Variants in VGLL4 observed in about 807,000 individuals in gnomAD.
VGLL4 encodes the protein transcription cofactor vestigial-like protein 4.
VGLL4 carries 7 observed loss-of-function variants against 21.0 expected under a neutral mutation model. The observed-to-expected ratio is 0.33, with a 90% CI of 0.19 to 0.63. The LOEUF (loss-of-function observed/expected upper bound fraction) is 0.63. Ranked by LOEUF, VGLL4 falls within the 20% of genes least tolerant of loss-of-function variation. The probability of loss-of-function intolerance (pLI) is 0.78; values close to 1 mark genes in which losing one functional copy is unlikely to be tolerated. For synonymous variants in VGLL4, 222 were observed against 173.2 expected, an observed-to-expected ratio of 1.28 and a Z score of -2.21; for missense variants, 394 against 425.7, an observed-to-expected ratio of 0.93 and a Z score of 0.66.
chr3:11,721,527 T>C (rs11128570), upstream of VGLL4, among the ~76,000 whole-genome samples: 74,447 of 152,022 alleles, frequency 0.49, 19,985 homozygotes, highest in Non-Finnish European at 0.6. Context: ...AGATTAAAGC[T>C]CGGAAGGTTC....
chr3:11,579,217 TAAAAA>T (rs34908529), intron 2 of VGLL4, among the ~76,000 whole-genome samples: 1 of 134,634 alleles, frequency 7.4e-6, no homozygotes, highest in Non-Finnish European at 1.6e-5. Context: ...GCTAACTTTC[TAAAAA>T]AAAAAAAAAA....
chr3:11,635,768 A>G (rs1367596768), intron 1 of VGLL4, among the ~76,000 whole-genome samples: 1 of 152,264 alleles, frequency 6.6e-6, no homozygotes, highest in Non-Finnish European at 1.5e-5. Context: ...GAGCTGTGCT[A>G]GAAAACTGCA....
intron 1 of VGLL4, among the ~76,000 whole-genome samples, chr3:11,615,729 G>A (rs1299902629): frequency 6.6e-6 from 1 of 152,128 alleles, no homozygotes; most frequent in Admixed American, 6.5e-5. Context: ...TGAGAGTGCA[G>A]AGCTAAGCTG....
intron 1 of VGLL4, among the ~76,000 whole-genome samples, chr3:11,618,313 C>A (rs1365097542): frequency 6.6e-6 from 1 of 152,000 alleles, no homozygotes; most frequent in Non-Finnish European, 1.5e-5. Context: ...GCTATTATTA[C>A]AAGATGTCTG....
At chr3:11,720,677 C>G (rs923349979) in exon 1 of VGLL4, 4 of 152,262 alleles carry the variant, frequency 2.6e-5, no homozygotes, top group African/African-American at 7.2e-5. Flanking sequence ...CCCCTTCAGC[C>G]GCTCACACAC....
intron 2 of VGLL4, among the ~76,000 whole-genome samples, chr3:11,654,547 T>A (rs528955940): frequency 6.6e-6 from 1 of 152,306 alleles, no homozygotes; most frequent in East Asian, 1.9e-4. Context: ...AATTTTACCT[T>A]ATTAGCTTTG....
At chr3:11,558,941 G>A (rs1345264214) in intron 4 of VGLL4, 114 bp from the exon 5 acceptor site, 7 of 1,305,798 alleles carry the variant, frequency 5.4e-6, no homozygotes, top group South Asian at 2.8e-5. Context: ...CACGGTCAGC[G>A]TGGGCTCTGC....
At chr3:11,585,318 C>T (rs2074336585) in intron 2 of VGLL4, among the ~76,000 whole-genome samples, 1 of 151,834 alleles carries the variant, frequency 6.6e-6, no homozygotes, top group Non-Finnish European at 1.5e-5. Flanking sequence ...TGCCTGTAGT[C>T]CCAGCTACTT....
At chr3:11,636,048 A>T (rs188670379) in intron 1 of VGLL4, among the ~76,000 whole-genome samples, 1 of 152,374 alleles carries the variant, frequency 6.6e-6, no homozygotes, top group Admixed American at 6.5e-5. Context: ...GAATGGAAGA[A>T]CATGGGTAAA....
At chr3:11,597,395 A>G (rs1052159131) in intron 2 of VGLL4, among the ~76,000 whole-genome samples, 1 of 152,198 alleles carries the variant, frequency 6.6e-6, no homozygotes, top group Non-Finnish European at 1.5e-5. Context: ...AACAGAAATA[A>G]TGTATTTCTC....
chr3:11,646,754 C>T (rs778140098), upstream of VGLL4, among the ~76,000 whole-genome samples: 65 of 152,120 alleles, frequency 4.3e-4, no homozygotes, highest in Non-Finnish European at 8.1e-4. Context: ...CAACCATTTT[C>T]GTGGACACCG....
chr3:11,683,950 C>G (rs1483714364), intron 2 of VGLL4, among the ~76,000 whole-genome samples: 7 of 152,120 alleles, frequency 4.6e-5, no homozygotes, highest in African/African-American at 1.4e-4. Context: ...ATGGATCACA[C>G]CTGTAATCCC....
At position 11,672,046 on chromosome 3, in the gene VGLL4, G is replaced by A. The variant is rs191430653; in HGVS notation, c.64+30925C>T. ...TCCATTTGTTTATCTCCTGCAAAGC[G>A]GAATAATTTTTCTAAATTCACTCAG... On this transcript the variant is annotated intron_variant, in intron 2 of 5. Coordinates refer to the VGLL4 transcript ENST00000273038. Among the ~76,000 whole-genome samples, 6 of 151,350 alleles carry A rather than the reference G, an allele frequency of 4.0e-5. No homozygotes were observed. In the East Asian group the frequency reaches 7.9e-4, roughly 20 times the overall value.
intron 2 of VGLL4, among the ~76,000 whole-genome samples, chr3:11,673,011 C>G (rs9813179): frequency 2.0e-5 from 3 of 152,064 alleles, no homozygotes; most frequent in African/African-American, 7.3e-5. Context: ...CAACAAAAGA[C>G]CCAGCCACCG....
At position 11,665,099 on chromosome 3, in the gene VGLL4, TTC is replaced by T. The variant is rs759770233; in HGVS notation, c.64+37870_64+37871del. 1.4e-4 allele frequency among the ~76,000 whole-genome samples: 13 copies of T among 92,572 alleles called. 1 individual carries two copies. The highest frequency in any genetic ancestry group is 3.6e-4 in the Admixed American group (3 of 8,432). The allele number at this position is 92,572 out of a possible 152,430, so 60.7% of individuals were successfully genotyped here. A position where few individuals can be genotyped will look rare whatever the true frequency, so the allele number is the denominator to read the frequency against. On this transcript the variant is annotated intron_variant, in intron 2 of 5. Coordinates refer to the VGLL4 transcript ENST00000273038. ...CAAAATGAAAGCAATTTGAATATTTTTCTTTTTTTTTTTTTTTTTTTTTTTTT... is the reference window on the plus strand; with the variant it reads ...CAAAATGAAAGCAATTTGAATATTTTTTTTTTTTTTTTTTTTTTTTTTTTT...
intron 1 of VGLL4, among the ~76,000 whole-genome samples, chr3:11,606,422 A>G (rs2074941838): frequency 6.6e-6 from 1 of 152,242 alleles, no homozygotes; most frequent in Non-Finnish European, 1.5e-5. Context: ...TCAAAAGACA[A>G]TACAAAAGTG....
At chr3:11,604,657 T>G in intron 1 of VGLL4, 1 of 620,754 alleles carries the variant, frequency 1.6e-6, no homozygotes, top group Non-Finnish European at 2.0e-6. Context: ...CCTCCTTTAT[T>G]TAGGATGGGG....
At chr3:11,715,095 G>T (rs373777418) in intron 1 of VGLL4, among the ~76,000 whole-genome samples, 1 of 149,090 alleles carries the variant, frequency 6.7e-6, no homozygotes, top group Non-Finnish European at 1.5e-5. Context: ...AGATCGCGCC[G>T]CTGCACTCCA....
At position 11,558,039 on chromosome 3, in the gene VGLL4, A is replaced by G. The variant is rs1246152262; in HGVS notation, c.*517T>C. 4 of 157,994 alleles carry G rather than the reference A, an allele frequency of 2.5e-5. No individual in the cohort carries two copies. The highest frequency in any genetic ancestry group is 3.7e-4 in the East Asian group (2 of 5,346). 9.8% of individuals were successfully genotyped at this position (157,994 alleles called of 1,614,324 possible). A position where few individuals can be genotyped will look rare whatever the true frequency, so the allele number is the denominator to read the frequency against. ...CCCTCAGAGTTCTGGCATAACACATAAAGTTGTCAGGCAACTTTAGTCCTC... is the reference window on the plus strand; with the variant it reads ...CCCTCAGAGTTCTGGCATAACACATGAAGTTGTCAGGCAACTTTAGTCCTC... On this transcript the variant is annotated 3_prime_UTR_variant, in exon 5 of 5. Transcript: ENST00000430365.
Sources: gnomAD v4.1 joint callset for allele counts (sites outside exome capture counted in the v4.1 genomes callset) on GRCh38, gnomAD v4.1.1 for gene constraint, MANE v1.5 for transcripts, NCBI Gene and HGNC (gene_info 2026-07-23, HGNC 2026-07-21) for gene names.